ROBO2: variants seen among roughly 807,000 people sequenced by gnomAD.
ROBO2 encodes the protein roundabout homolog 2.
In ROBO2, 53 loss-of-function variants were observed where a neutral mutation model predicts 160.8. The observed-to-expected ratio is 0.33, with a 90% CI of 0.26 to 0.41. The LOEUF (loss-of-function observed/expected upper bound fraction) is 0.41. Among genes scored for constraint, ROBO2 ranks in the 10% least tolerant of loss-of-function variants. The pLI is 1.00. For missense variants in ROBO2, 1,577 were observed against 1,722.4 expected, an observed-to-expected ratio of 0.92 and a Z score of 1.49; for synonymous variants, 664 against 611.7, an observed-to-expected ratio of 1.09 and a Z score of -1.26.
At chr3:77,587,242 G>A (rs2094074954) in intron 16 of ROBO2, among the ~76,000 whole-genome samples, 1 of 152,038 alleles carries the variant, frequency 6.6e-6, no homozygotes, top group Admixed American at 6.6e-5. Context: ...AGAGTTTCAA[G>A]TCAAGGCAGT....
At chr3:76,220,251 A>C (rs189434340) in intron 2 of ROBO2, among the ~76,000 whole-genome samples, 4 of 151,670 alleles carry the variant, frequency 2.6e-5, no homozygotes, top group Non-Finnish European at 5.9e-5. Flanking sequence ...TGGGTGCAGC[A>C]CACCAGCATG....
At chr3:77,258,525 A>C (rs549159907) in intron 2 of ROBO2, among the ~76,000 whole-genome samples, 1 of 151,924 alleles carries the variant, frequency 6.6e-6, no homozygotes, top group African/African-American at 2.4e-5. Context: ...CAGGAGGCTG[A>C]GGAACAAGAA....
At chr3:76,340,513 A>G (rs2074160142) in intron 2 of ROBO2, among the ~76,000 whole-genome samples, 1 of 152,166 alleles carries the variant, frequency 6.6e-6, no homozygotes, top group South Asian at 2.1e-4. Context: ...TGAAGCCCTG[A>G]ATGGATTTAT....
intron 2 of ROBO2, among the ~76,000 whole-genome samples, chr3:77,202,920 G>A (rs942314180): frequency 1.3e-5 from 2 of 152,156 alleles, no homozygotes; most frequent in Non-Finnish European, 2.9e-5. Flanking sequence ...GCAGAGCTGT[G>A]GTTCCGAACT....
intron 2 of ROBO2, among the ~76,000 whole-genome samples, chr3:77,415,164 CAG>C (rs2077112215): frequency 6.6e-6 from 1 of 152,162 alleles, no homozygotes; most frequent in Admixed American, 6.5e-5. Flanking sequence ...GGGAAATAAA[CAG>C]TGTTACAGGA....
chr3:76,697,033 T>A (rs1322302787), intron 2 of ROBO2, among the ~76,000 whole-genome samples: 1 of 152,166 alleles, frequency 6.6e-6, no homozygotes, highest in African/African-American at 2.4e-5. Context: ...AGCTGGAATA[T>A]CATGAAGTCT....
intron 12 of ROBO2, 152 bp downstream of exon 13, chr3:77,565,272 G>A (rs2093446454): frequency 1.1e-6 from 1 of 946,284 alleles, no homozygotes; most frequent in Admixed American, 1.9e-5. Context: ...GTAGCTTGCT[G>A]TTTATCTTGG....
intron 23 of ROBO2, among the ~76,000 whole-genome samples, chr3:77,625,536 C>T (rs1402833983): frequency 6.6e-6 from 1 of 152,054 alleles, no homozygotes; most frequent in East Asian, 1.9e-4. Flanking sequence ...CACCACCATG[C>T]CCAGCTGATT....
chr3:77,335,458 T>G (rs1398477049), intron 2 of ROBO2, among the ~76,000 whole-genome samples: 2 of 152,194 alleles, frequency 1.3e-5, no homozygotes, highest in African/African-American at 4.8e-5. Context: ...TGTATGTTCA[T>G]CTATAGCCAT....
At chr3:76,695,492 C>A (rs571182742) in intron 2 of ROBO2, among the ~76,000 whole-genome samples, 9 of 152,058 alleles carry the variant, frequency 5.9e-5, no homozygotes, top group Non-Finnish European at 1.0e-4. Context: ...GATAAAGAAG[C>A]TTTATAATGA....
chr3:77,133,954 A>G (rs2150370772), intron 2 of ROBO2, among the ~76,000 whole-genome samples: 1 of 152,326 alleles, frequency 6.6e-6, no homozygotes, highest in Admixed American at 6.5e-5. Context: ...TTTATTTCCC[A>G]AAATTGTATC....
chr3:76,939,172 A>G (rs1173055910), intron 2 of ROBO2, among the ~76,000 whole-genome samples: 1 of 152,262 alleles, frequency 6.6e-6, no homozygotes, highest in Non-Finnish European at 1.5e-5. Flanking sequence ...ATAAAAATGA[A>G]GAAGAGAAAG....
intron 2 of ROBO2, among the ~76,000 whole-genome samples, chr3:76,217,771 C>T (rs1703657981): frequency 6.6e-6 from 1 of 152,074 alleles, no homozygotes; most frequent in African/African-American, 2.4e-5. Flanking sequence ...GAAACTATTC[C>T]AATCAATAGA....
At chr3:76,417,198 T>G (rs1168537152) in intron 2 of ROBO2, among the ~76,000 whole-genome samples, 1 of 152,194 alleles carries the variant, frequency 6.6e-6, no homozygotes, top group Non-Finnish European at 1.5e-5. Flanking sequence ...CTATAAGATA[T>G]TGCCATAGAA....
chr3:76,430,743 C>T (rs538971887), intron 2 of ROBO2, among the ~76,000 whole-genome samples: 16 of 152,062 alleles, frequency 1.1e-4, no homozygotes, highest in African/African-American at 2.9e-4. Context: ...TCAACCCCAG[C>T]GTTTAACTCA....
intron 2 of ROBO2, among the ~76,000 whole-genome samples, chr3:75,981,718 C>G (rs2065280896): frequency 6.6e-6 from 1 of 151,300 alleles, no homozygotes; most frequent in Non-Finnish European, 1.5e-5. Context: ...ATAAGTACAT[C>G]ATGGAGAATG....
At chr3:76,010,348 A>G (rs660048) in intron 2 of ROBO2, among the ~76,000 whole-genome samples, 110,251 of 152,168 alleles carry the variant, frequency 0.72, 42,304 homozygotes, top group South Asian at 0.89. Context: ...TCTGCAAATC[A>G]GAGCACAGGC....
At chr3:76,622,583 G>C (rs1344694933) in intron 2 of ROBO2, among the ~76,000 whole-genome samples, 4 of 152,120 alleles carry the variant, frequency 2.6e-5, no homozygotes, top group African/African-American at 9.7e-5. Context: ...AGTTCAAAAT[G>C]CAAGATTCTT....
At chr3:75,979,848 C>G (rs1410850514) in intron 2 of ROBO2, among the ~76,000 whole-genome samples, 5 of 151,270 alleles carry the variant, frequency 3.3e-5, no homozygotes, top group Non-Finnish European at 5.9e-5. Context: ...TCCTTTAATC[C>G]AATATTTAGG....
Sources: gnomAD v4.1 joint callset for allele counts (sites outside exome capture counted in the v4.1 genomes callset) on GRCh38, gnomAD v4.1.1 for gene constraint, MANE v1.5 for transcripts, NCBI Gene and HGNC (gene_info 2026-07-23, HGNC 2026-07-21) for gene names.